The following TRIO variants were observed in gnomAD, a reference collection of about 807,000 sequenced individuals.
The protein encoded by TRIO is triple functional domain protein.
A neutral mutation model predicts 351.9 loss-of-function variants in TRIO; 58 were observed. That is an observed-to-expected ratio of 0.16 (90% CI 0.13 to 0.21). The LOEUF (loss-of-function observed/expected upper bound fraction) is 0.21, where lower values mean the gene tolerates loss of function less well. Among genes scored for constraint, TRIO ranks in the 10% least tolerant of loss-of-function variants. TRIO has a pLI of 1.00. For missense variants in TRIO, 3,201 were observed against 4,027.8 expected (o/e 0.79, Z 5.56); for synonymous variants, 1,758 against 1,595.7 (o/e 1.10, Z -2.42).
At chr5:14,381,507 A>G (rs1488946112) in intron 21 of TRIO, among the ~76,000 whole-genome samples, 1 of 151,880 alleles carries the variant, frequency 6.6e-6, no homozygotes, top group East Asian at 1.9e-4. Flanking sequence ...TGTCCTTCCC[A>G]TTATTCCCTT....
At chr5:14,424,244 C>G (rs914773815) in intron 34 of TRIO, among the ~76,000 whole-genome samples, 10 of 152,012 alleles carry the variant, frequency 6.6e-5, no homozygotes, top group Non-Finnish European at 1.3e-4. Context: ...TGAGCAAAGG[C>G]CGATTCAAAA....
intron 11 of TRIO, among the ~76,000 whole-genome samples, chr5:14,349,514 A>G (rs776436180): frequency 6.6e-6 from 1 of 152,152 alleles, no homozygotes; most frequent in Non-Finnish European, 1.5e-5. Context: ...GCAGGGCCCA[A>G]GGTTAAGCTG....
chr5:14,461,126 A>G lies in TRIO; in HGVS notation c.5311A>G (p.Asn1771Asp). 6.4e-7 allele frequency: 1 copy of G among 1,557,162 alleles called. No homozygotes were observed. The change falls in exon 35 of 57, where the codon AAC (asparagine) becomes GAC (aspartate). Residue 1771 changes from asparagine (N) to aspartate (D), a missense_variant. By Grantham distance (23) the Asn-to-Asp change is conservative. This residue lies in a region of TRIO where 193 missense variants were observed against 218.8 expected (regional missense o/e 0.88). Transcript: ENST00000344204. ...QSSPGPKRPG[N>D]TLRKWLTSPV... ...CTCGCCGGGCCCCAAGCGGCCGGGC[A>G]ACACCCTGCGCAAGTGGCTCACCAG...
At chr5:14,390,459 A>G in intron 26 of TRIO, 159 bp downstream of exon 26, 3 of 674,324 alleles carry the variant, frequency 4.4e-6, no homozygotes, top group Non-Finnish European at 7.5e-6. Context: ...ACTTCAACTA[A>G]TTGTTTTTGT....
chr5:14,459,847 A>G (rs1753637234), intron 34 of TRIO, among the ~76,000 whole-genome samples: 1 of 152,106 alleles, frequency 6.6e-6, no homozygotes, highest in African/African-American at 2.4e-5. Context: ...GCTGGTTTGG[A>G]TATATTTTCT....
At position 14,487,785 on chromosome 5, in the gene TRIO, G is replaced by T. The variant is rs1756070447; in HGVS notation, c.7157G>T (p.Gly2386Val). The T allele has an allele frequency of 4.4e-6, 6 of 1,375,902 alleles. No individual in the cohort carries two copies. The African/African-American group carries it at 9.3e-5, about 21-fold the overall frequency. The allele number at this position is 1,375,902 out of a possible 1,614,324, so 85.2% of individuals were successfully genotyped here. ...LPPPGAAPEA[G>V]PSAPSRRPPG... ...CCCCCTGGCGCGGCCCCCGAGGCCG[G>T]CCCCAGCGCGCCCAGCAGGCGGCCC... is the stretch of plus-strand genomic sequence containing the variant. The change falls in exon 48 of 57, where the codon GGC becomes GTC. Residue 2386 changes from glycine (G) to valine (V), a missense_variant. By Grantham distance (109) the Gly-to-Val change is moderately radical (BLOSUM62 -3). Around this residue, in one of 19 missense-constraint regions of TRIO, gnomAD observed 1,089 missense variants for 954.9 expected, o/e 1.14. Coordinates refer to ENST00000344204, the MANE Select transcript of TRIO (RefSeq NM_007118.4).
At chr5:14,151,297 AAC>A (rs1787811354) in intron 1 of TRIO, among the ~76,000 whole-genome samples, 1 of 152,112 alleles carries the variant, frequency 6.6e-6, no homozygotes, top group South Asian at 2.1e-4. Flanking sequence ...ACTTGAGAAA[AAC>A]ACAGTTCAAA....
chr5:14,482,677 C>T lies in TRIO; in HGVS notation c.6561C>T (p.Arg2187=), dbSNP rs750144408. The T allele has an allele frequency of 4.3e-5, 69 of 1,611,540 alleles. No individual in the cohort carries two copies. Among genetic ancestry groups the T allele is most frequent in the Non-Finnish European group, 5.8e-5 (68 of 1,178,528 alleles). The change falls in exon 46 of 57, where the codon CGC becomes CGT. Residue 2187 remains arginine, a synonymous_variant. Coordinates refer to ENST00000344204, the MANE Select transcript of TRIO (RefSeq NM_007118.4). The part of the protein sequence containing the change: ...AGLLPRCRER[R]IFLFEQIVIF... The stretch of plus-strand genomic sequence containing the variant: ...TTCTGCCTCGCTGCAGAGAGAGGCG[C>T]ATCTTCCTCTTTGAGCAGATCGTCA...
chr5:14,194,311 C>T (rs1479619247), intron 1 of TRIO, among the ~76,000 whole-genome samples: 1 of 152,146 alleles, frequency 6.6e-6, no homozygotes, highest in South Asian at 2.1e-4. Context: ...TTTCTGCTCT[C>T]TTTTTCTCTG....
intron 9 of TRIO, among the ~76,000 whole-genome samples, chr5:14,318,083 G>T (rs1344750949): frequency 1.4e-5 from 2 of 147,426 alleles, no homozygotes; most frequent in South Asian, 4.4e-4. Context: ...GCCGATTATT[G>T]CACCATTGCA....
rs1420162930 is a variant in TRIO at position 14,488,278 on chromosome 5, C to G, written c.7632+18C>G. On this transcript the variant is annotated intron_variant, in intron 48 of 56. Coordinates refer to ENST00000344204, the MANE Select transcript of TRIO (RefSeq NM_007118.4). ...GCAACGGGGTAAGCGCGTCGGGGGG[C>G]CCGCGCCCTCCCGCCCCCCTGCCTC... is the stretch of plus-strand genomic sequence containing the variant. The G allele has an allele frequency of 2.6e-6, 4 of 1,531,760 alleles. No homozygotes were observed. Among genetic ancestry groups the G allele is most frequent in the Non-Finnish European group, 3.5e-6 (4 of 1,142,572 alleles). The allele number at this position is 1,531,760 out of a possible 1,614,324, so 94.9% of individuals were successfully genotyped here. A position where few individuals can be genotyped will look rare whatever the true frequency, so the allele number is the denominator to read the frequency against.
intron 28 of TRIO, among the ~76,000 whole-genome samples, chr5:14,395,246 C>T (rs558292466): frequency 2.6e-5 from 4 of 152,114 alleles, no homozygotes; most frequent in South Asian, 2.1e-4. Flanking sequence ...ATCAAAATGC[C>T]GTTAAGTGAT....
intron 1 of TRIO, among the ~76,000 whole-genome samples, chr5:14,270,415 T>G (rs1014976756): frequency 7.9e-5 from 12 of 152,220 alleles, no homozygotes; most frequent in Admixed American, 6.5e-4. Flanking sequence ...CCCCTAGAGG[T>G]TTTAGGATGT....
chr5:14,397,665 G>A (rs1426975019), intron 29 of TRIO, among the ~76,000 whole-genome samples: 2 of 151,994 alleles, frequency 1.3e-5, no homozygotes, highest in East Asian at 3.9e-4. Context: ...GTTTAAGAAA[G>A]CTCTTCCTGT....
Position 14,307,608 on chromosome 5 carries a change from T to C in TRIO, c.1500+3016T>C, listed in dbSNP as rs1054134705. Among the ~76,000 whole-genome samples the C allele has an allele frequency of 8.5e-5, 13 of 152,364 alleles. No individual in the cohort carries two copies. In the East Asian group the frequency reaches 2.5e-3, roughly 29 times the overall value. On this transcript the variant is annotated intron_variant, in intron 8 of 56. Transcript: ENST00000344204. ...CTCCGGCTATGAGTAGTGTTCATCT[T>C]GGCCACTTGGTCAGATTGGTGTCTG...
Position 14,497,115 on chromosome 5 carries a change from T to C in TRIO, c.8019+98T>C. ...GCAGACCTGAAGCTGGGCTTGCTTA[T>C]GACCTCCCTCCCACCCACCAGCCCC... On this transcript the variant is annotated intron_variant, in intron 50 of 56. Coordinates refer to ENST00000344204, the MANE Select transcript of TRIO (RefSeq NM_007118.4). This position sits in a 1 kb window ranked among gnomAD's most constrained non-coding sequence, Gnocchi z 4.4. 6.6e-7 allele frequency: 1 copy of C among 1,513,146 alleles called. No homozygotes were observed. The highest frequency in any genetic ancestry group is 8.9e-7 in the Non-Finnish European group (1 of 1,127,600). The allele number at this position is 1,513,146 out of a possible 1,614,324, so 93.7% of individuals were successfully genotyped here.
chr5:14,286,892 C>G lies in TRIO; in HGVS notation c.369C>G (p.Gly123=). The change falls in exon 4 of 57, where the codon GGC becomes GGG. Residue 123 remains glycine (G), a synonymous_variant. Coordinates refer to ENST00000344204, the MANE Select transcript of TRIO (RefSeq NM_007118.4). The surrounding 1 kb of genome is among the most constrained non-coding windows in gnomAD (Gnocchi z 4.4). The stretch of plus-strand genomic sequence containing the variant: ...GCAGCGAGGAGGTCTGCAAGCGTGG[C>G]TTCACGGTGATCGTGGACATGCGTG... ...CIPSEEVCKR[G]FTVIVDMRGS... The G allele has an allele frequency of 1.2e-6, 2 of 1,613,688 alleles. No homozygotes were observed. The highest frequency in any genetic ancestry group is 1.7e-6 in the Non-Finnish European group (2 of 1,179,774).
chr5:14,312,594 A>G (rs2152302747), intron 8 of TRIO, among the ~76,000 whole-genome samples: 3 of 152,242 alleles, frequency 2.0e-5, no homozygotes, highest in Middle Eastern at 6.8e-3. Context: ...AATAAGGTTG[A>G]TTTTCTTTTT....
chr5:14,154,974 T>G (rs1788025664), intron 1 of TRIO, among the ~76,000 whole-genome samples: 1 of 152,224 alleles, frequency 6.6e-6, no homozygotes, highest in South Asian at 2.1e-4. Context: ...GACCTGCTAT[T>G]GTAGTATATC....
Sources: gnomAD v4.1 joint callset for allele counts (sites outside exome capture counted in the v4.1 genomes callset) on GRCh38, gnomAD v4.1.1 for gene constraint, gnomAD v4.1.1 regional missense constraint, Gnocchi (gnomAD v3.1) non-coding constraint, MANE v1.5 for transcripts, NCBI Gene and HGNC (gene_info 2026-07-23, HGNC 2026-07-21) for gene names.